The following CACNA1I variants were observed in gnomAD, a reference collection of about 807,000 sequenced individuals.
CACNA1I encodes the protein voltage-dependent T-type calcium channel subunit alpha-1I.
A neutral mutation model predicts 201.6 loss-of-function variants in CACNA1I; 74 were observed. That is an observed-to-expected ratio of 0.37 (90% CI 0.30 to 0.45). CACNA1I has a LOEUF of 0.45. Among genes scored for constraint, CACNA1I ranks in the 20% least tolerant of loss-of-function variants. The probability of loss-of-function intolerance (pLI) is 1.00; values close to 1 mark genes in which losing one functional copy is unlikely to be tolerated. For synonymous variants in CACNA1I, 1,431 were observed against 1,345.2 expected (o/e 1.06, Z -1.40); for missense variants, 2,346 against 3,138.1 (o/e 0.75, Z 6.03).
chr22:39,667,851 T>G (rs1251749888), intron 23 of CACNA1I, among the ~76,000 whole-genome samples: 1 of 152,126 alleles, frequency 6.6e-6, no homozygotes, highest in Non-Finnish European at 1.5e-5. Context: ...CGAGCTCCTG[T>G]TTTCAGATGC....
intron 4 of CACNA1I, among the ~76,000 whole-genome samples, chr22:39,625,373 C>T (rs549333615): frequency 1.3e-5 from 2 of 152,282 alleles, no homozygotes; most frequent in South Asian, 4.2e-4. Context: ...TGCAAAGCTC[C>T]AGCATGAACA....
chr22:39,632,259 C>T lies in CACNA1I; in HGVS notation c.581-2306C>T, dbSNP rs183639417. Among the ~76,000 whole-genome samples, 264 of 152,320 alleles carry T rather than the reference C, an allele frequency of 1.7e-3. 1 individual carries two copies. The highest frequency in any genetic ancestry group is 2.8e-3 in the Non-Finnish European group (193 of 68,022). Reference sequence around the variant, plus strand: ...GCTGCTACCGGCCCTCTGTGCTTGCCTCCTGCCCCTGTCCTGGCCTCGGGG... The same window carrying T: ...GCTGCTACCGGCCCTCTGTGCTTGCTTCCTGCCCCTGTCCTGGCCTCGGGG... On this transcript the variant is annotated intron_variant, in intron 4 of 36. Coordinates refer to ENST00000402142, the MANE Select transcript of CACNA1I (RefSeq NM_021096.4).
rs367983234 is a variant in CACNA1I at position 39,663,381 on chromosome 22, G to C, written c.3474-337G>C. ...AGGGGCTGTGAAGAGGAGGAGCCTG[G>C]TGCAGGGGCAGGGAGCAGCCTGAGG... On this transcript the variant is annotated intron_variant, in intron 18 of 36. Transcript: ENST00000402142. Among the ~76,000 whole-genome samples, 5 of 152,326 alleles carry C rather than the reference G, an allele frequency of 3.3e-5. No individual in the cohort carries two copies. The East Asian group carries it at 7.7e-4, about 24-fold the overall frequency.
intron 1 of CACNA1I, among the ~76,000 whole-genome samples, chr22:39,578,983 C>T (rs947536962): frequency 2.6e-5 from 4 of 152,244 alleles, no homozygotes; most frequent in African/African-American, 7.2e-5. Flanking sequence ...CAGGCACCAT[C>T]GGCAGGAAGT....
intron 1 of CACNA1I, among the ~76,000 whole-genome samples, chr22:39,577,604 G>A (rs1375277129): frequency 6.6e-6 from 1 of 152,252 alleles, no homozygotes; most frequent in Non-Finnish European, 1.5e-5. Flanking sequence ...AACCTGGACT[G>A]CGCGGAGCAC....
At chr22:39,596,070 A>G (rs923807814) in intron 1 of CACNA1I, among the ~76,000 whole-genome samples, 2 of 140,122 alleles carry the variant, frequency 1.4e-5, no homozygotes, top group Admixed American at 7.5e-5. Flanking sequence ...TCCTGATGTC[A>G]CTCACTGTGT....
chr22:39,658,857 T>C, intron 11 of CACNA1I, 74 bp from the exon 12 acceptor site: 1 of 1,275,804 alleles, frequency 7.8e-7, no homozygotes, highest in Non-Finnish European at 1.1e-6. Context: ...CCCTTCTCCC[T>C]CTGTCTTCCT....
In CACNA1I at chr22:39,576,964, T is replaced by C. The variant is rs562472118; in HGVS notation, c.236+5976T>C. Among the ~76,000 whole-genome samples, 258 of 152,228 alleles carry C rather than the reference T, an allele frequency of 1.7e-3. 1 individual carries two copies. The highest frequency in any genetic ancestry group is 5.9e-3 in the African/African-American group (246 of 41,546). ...TCTGTGCTTCTTCTTCTTCTTCTTT[T>C]TTTTTGAGACCAAGTCTCGCACTGT... On this transcript the variant is annotated intron_variant, in intron 1 of 36. Transcript: ENST00000402142.
intron 1 of CACNA1I, among the ~76,000 whole-genome samples, chr22:39,594,417 G>C (rs999847294): frequency 6.6e-6 from 1 of 152,144 alleles, no homozygotes; most frequent in Non-Finnish European, 1.5e-5. Flanking sequence ...TAGAATGTTC[G>C]AACTTCAAAA....
chr22:39,666,361 C>G lies in CACNA1I; in HGVS notation c.4104+355C>G, dbSNP rs1013835708. On this transcript the variant is annotated intron_variant, in intron 23 of 36. Transcript: ENST00000402142. This position sits in a 1 kb window ranked among gnomAD's most constrained non-coding sequence, Gnocchi z 4.1. ...GCCACCTTCTGTAGGTGTGGCCTCCCTGAGCCTCAGTTTCCTCATCTATGA... is the reference window on the plus strand; with the variant it reads ...GCCACCTTCTGTAGGTGTGGCCTCCGTGAGCCTCAGTTTCCTCATCTATGA... 5.9e-5 allele frequency among the ~76,000 whole-genome samples: 9 copies of G among 152,160 alleles called. No homozygotes were observed. The highest frequency in any genetic ancestry group is 1.0e-4 in the Non-Finnish European group (7 of 68,028).
intron 1 of CACNA1I, chr22:39,587,851 C>T (rs2145812823): frequency 2.7e-6 from 1 of 364,112 alleles, no homozygotes; most frequent in Non-Finnish European, 5.4e-6. Context: ...TCTCGGCTCA[C>T]TGCAACCTCT....
intron 3 of CACNA1I, among the ~76,000 whole-genome samples, chr22:39,603,259 G>T (rs1419811545): frequency 6.6e-6 from 1 of 151,686 alleles, no homozygotes; most frequent in Non-Finnish European, 1.5e-5. Context: ...TGGAATTCAT[G>T]TTATATAGAT....
intron 4 of CACNA1I, among the ~76,000 whole-genome samples, chr22:39,628,637 G>T (rs1478136029): frequency 6.6e-6 from 1 of 152,116 alleles, no homozygotes; most frequent in Non-Finnish European, 1.5e-5. Flanking sequence ...GCCTTGGGCC[G>T]GCAGCTGTGA....
At chr22:39,607,358 T>C (rs2082176955) in intron 3 of CACNA1I, among the ~76,000 whole-genome samples, 1 of 152,230 alleles carries the variant, frequency 6.6e-6, no homozygotes, top group African/African-American at 2.4e-5. Flanking sequence ...GCAGGATCAC[T>C]GGGGCATGTG....
chr22:39,573,946 G>A (rs1181948842), intron 1 of CACNA1I, among the ~76,000 whole-genome samples: 1 of 152,168 alleles, frequency 6.6e-6, no homozygotes, highest in Non-Finnish European at 1.5e-5. Flanking sequence ...TCAGTCCCGG[G>A]AGCTGCGCAG....
At chr22:39,681,921 A>G (rs150323254) in intron 34 of CACNA1I, among the ~76,000 whole-genome samples, 1 of 152,266 alleles carries the variant, frequency 6.6e-6, no homozygotes, top group Non-Finnish European at 1.5e-5. Context: ...TACAAAGGAT[A>G]TCAGGATGCA....
chr22:39,571,544 A>G (rs1932184235), intron 1 of CACNA1I, among the ~76,000 whole-genome samples: 1 of 152,058 alleles, frequency 6.6e-6, no homozygotes, highest in Non-Finnish European at 1.5e-5. Context: ...GTGCAGAGCA[A>G]AGTCCTAATC....
chr22:39,610,050 G>A (rs1414530413), intron 3 of CACNA1I, among the ~76,000 whole-genome samples: 2 of 152,240 alleles, frequency 1.3e-5, no homozygotes, highest in African/African-American at 4.8e-5. Flanking sequence ...AGCCTTTGGA[G>A]CTGGCCTTCC....
chr22:39,643,118 CAT>C (rs1169904569), intron 7 of CACNA1I, among the ~76,000 whole-genome samples: 2 of 152,206 alleles, frequency 1.3e-5, no homozygotes, highest in Non-Finnish European at 1.5e-5. Flanking sequence ...TGTCATTTCT[CAT>C]GTGTGGGCAC....
Sources: allele counts gnomAD v4.1 joint callset (sites outside exome capture counted in the v4.1 genomes callset), GRCh38; gene constraint gnomAD v4.1.1; non-coding constraint Gnocchi (gnomAD v3.1); transcripts MANE v1.5; gene names NCBI Gene and HGNC (gene_info 2026-07-23, HGNC 2026-07-21).